NCAN: variants seen among roughly 807,000 people sequenced by gnomAD.
NCAN encodes the protein neurocan.
Under a neutral mutation model 121.8 loss-of-function variants are expected in NCAN, and 47 were observed. The ratio of observed to expected loss-of-function variants is 0.39; its 90% CI spans 0.31 to 0.49. The LOEUF is 0.49. Ranked by LOEUF, NCAN falls within the 20% of genes least tolerant of loss-of-function variation. The pLI, the probability that NCAN is intolerant of heterozygous loss-of-function variation, is 0.92. For missense variants in NCAN, 1,517 were observed against 1,773.4 expected (o/e 0.86, Z 2.60); for synonymous variants, 633 against 702.0 (o/e 0.90, Z 1.55).
Position 19,226,389 on chromosome 19 carries a change from G to A in NCAN, c.1073-97G>A, listed in dbSNP as rs527436482. On this transcript the variant is annotated intron_variant, in intron 6 of 14. Coordinates refer to ENST00000252575, the MANE Select transcript of NCAN (RefSeq NM_004386.3). ...TAGGAGAGACAGAGGTACACAGAAG[G>A]CTTATGCTGCAGCATGCTGGAAAGT... The A allele has an allele frequency of 2.4e-4, 233 of 974,554 alleles. 3 individuals carry two copies. The South Asian group carries it at 3.3e-3, about 14-fold the overall frequency. 60.4% of individuals were successfully genotyped at this position (974,554 alleles called of 1,614,324 possible). A position where few individuals can be genotyped will look rare whatever the true frequency, so the allele number is the denominator to read the frequency against.
chr19:19,213,647 G>A (rs1316105655), intron 1 of NCAN, among the ~76,000 whole-genome samples: 1 of 152,092 alleles, frequency 6.6e-6, no homozygotes, highest in Non-Finnish European at 1.5e-5. Flanking sequence ...GTCTGTGTCT[G>A]GGGTGCGTGG....
rs1256511795 is a variant in NCAN at position 19,228,268 on chromosome 19, G to A, written c.2648G>A (p.Gly883Glu). Reference protein sequence around the residue: ...LTTLEQGDKVGVPAMSTLGSS... With the variant: ...LTTLEQGDKVEVPAMSTLGSS... ...ACCCTGGAGCAGGGGGACAAGGTTG[G>A]AGTTCCAGCCATGTCTACACTGGGC... The change falls in exon 8 of 15, where the codon GGA (glycine) becomes GAA (glutamate). Residue 883 changes from glycine (G) to glutamate (E), a missense_variant. Transcript: ENST00000252575. 1 of 1,613,926 alleles carries A rather than the reference G, an allele frequency of 6.2e-7. No individual in the cohort carries two copies. Among genetic ancestry groups the A allele is most frequent in the Non-Finnish European group, 8.5e-7 (1 of 1,180,006 alleles).
intron 2 of NCAN, 82 bp downstream of exon 2, chr19:19,217,108 C>T (rs1228442356): frequency 2.0e-6 from 2 of 1,004,902 alleles, no homozygotes; most frequent in South Asian, 4.0e-5. Flanking sequence ...AGAGCCTTCT[C>T]CTGCTGGTCT....
In NCAN at chr19:19,217,163, T is replaced by C. The variant is rs564729223; in HGVS notation, c.73+137T>C. 7 of 587,436 alleles carry C rather than the reference T, an allele frequency of 1.2e-5. No homozygotes were observed. In the African/African-American group the frequency reaches 1.3e-4, roughly 11 times the overall value. The allele number at this position is 587,436 out of a possible 1,614,324, so 36.4% of individuals were successfully genotyped here. ...TAAAATGAGAATAGATTTTAAAAGG[T>C]CTTTGAACAGTCAAAAGCGAACAGG... On this transcript the variant is annotated intron_variant, in intron 2 of 14. Coordinates refer to ENST00000252575, the MANE Select transcript of NCAN (RefSeq NM_004386.3).
intron 9 of NCAN, 52 bp downstream of exon 9, chr19:19,233,957 C>A: frequency 8.2e-7 from 1 of 1,221,994 alleles, no homozygotes; most frequent in Non-Finnish European, 1.2e-6. Context: ...ACTCCAGAGC[C>A]TTGGGTTGTA....
chr19:19,240,562 G>T, intron 11 of NCAN, 41 bp from the exon 12 acceptor site: 1 of 1,604,304 alleles, frequency 6.2e-7, no homozygotes, highest in East Asian at 2.2e-5. Flanking sequence ...GCCAGGAGAG[G>T]CATGGGTGAA....
At chr19:19,241,205 G>A (rs940771472) in intron 12 of NCAN, among the ~76,000 whole-genome samples, 4 of 151,668 alleles carry the variant, frequency 2.6e-5, no homozygotes, top group South Asian at 4.2e-4. Flanking sequence ...GCAGTGAGCC[G>A]AGATCACTCC....
In NCAN at chr19:19,219,198, C is replaced by A. The variant is rs1348276925; in HGVS notation, c.357C>A (p.Arg119=). ...GRVSLPSYPR[R]RANATLLLGP... ...TGTCACTGCCTTCCTACCCCCGGCG[C>A]CGAGCCAACGCCACGCTACTTCTGG... The change falls in exon 3 of 15, where the codon CGC becomes CGA. Residue 119 remains arginine, a synonymous_variant. Transcript: ENST00000252575. 1.9e-6 allele frequency: 3 copies of A among 1,611,304 alleles called. No homozygotes were observed. The Admixed American group carries it at 5.0e-5, about 27-fold the overall frequency.
chr19:19,238,728 C>T (rs1162454108), intron 11 of NCAN: 2 of 418,676 alleles, frequency 4.8e-6, no homozygotes, highest in East Asian at 1.1e-4. Context: ...AGGGAGTGAC[C>T]ATTTCTTGGG....
At chr19:19,233,337 A>ATT (rs11403628) in intron 8 of NCAN, among the ~76,000 whole-genome samples, 26,261 of 151,240 alleles carry the variant, frequency 0.17, 3,742 homozygotes, top group African/African-American at 0.39. Context: ...CAGGATGAGG[A>ATT]TTTTTTTTCA....
intron 13 of NCAN, among the ~76,000 whole-genome samples, chr19:19,247,888 G>A (rs937515656): frequency 2.0e-5 from 3 of 152,150 alleles, no homozygotes; most frequent in African/African-American, 7.2e-5. Context: ...GCAGGGACCT[G>A]TTGACGAGCT....
chr19:19,221,956 G>A (rs1230214391), intron 3 of NCAN, among the ~76,000 whole-genome samples: 1 of 152,130 alleles, frequency 6.6e-6, no homozygotes, highest in Non-Finnish European at 1.5e-5. Flanking sequence ...CACAGTAGAT[G>A]CTCAATAAAT....
In NCAN at chr19:19,235,589, T is replaced by C. The variant is rs541670914; in HGVS notation, c.3250+493T>C. 1.1e-4 allele frequency among the ~76,000 whole-genome samples: 16 copies of C among 151,852 alleles called. 1 individual carries two copies. Among genetic ancestry groups the C allele is most frequent in the Admixed American group, 9.8e-4 (15 of 15,262 alleles). On this transcript the variant is annotated intron_variant, in intron 10 of 14. Transcript: ENST00000252575. ...GCCTGCCCTATTTTATTTTATTTTT[T>C]TTTTTTGAGACAGAGTCTCGCTCTG...
intron 8 of NCAN, among the ~76,000 whole-genome samples, chr19:19,229,542 C>A (rs28475118): frequency 0.025 from 3,754 of 152,302 alleles, 128 homozygotes; most frequent in African/African-American, 0.076. Flanking sequence ...CCCCATTCTA[C>A]AGATAGCAAA....
Position 19,233,832 on chromosome 19 carries a change from G to A in NCAN, c.3063G>A (p.Gly1021=). Residue 1021 remains glycine (G), a synonymous_variant, in exon 9 of 15, where the codon GGG becomes GGA. Transcript: ENST00000252575. ...AGAACAACCCTTGTCTTCATGGAGG[G>A]ACATGTAATGCCAATGGCACCATGT... ...PCENNPCLHG[G]TCNANGTMYG... is the part of the protein sequence containing the mutation. 1 of 1,614,064 alleles carries A rather than the reference G, an allele frequency of 6.2e-7. No homozygotes were observed. Among genetic ancestry groups the A allele is most frequent in the Non-Finnish European group, 8.5e-7 (1 of 1,179,930 alleles).
intron 3 of NCAN, among the ~76,000 whole-genome samples, chr19:19,222,213 A>G (rs2060819273): frequency 6.6e-6 from 1 of 152,052 alleles, no homozygotes; most frequent in Non-Finnish European, 1.5e-5. Context: ...AACAACAACA[A>G]ACTGATTGGT....
chr19:19,226,477 C>A lies in NCAN; in HGVS notation c.1073-9C>A. ...GGCCTAACACAACCTCTTCTGCTTTCTCCCACAGCTCATCACCCCACGTCA... is the reference window on the plus strand; with the variant it reads ...GGCCTAACACAACCTCTTCTGCTTTATCCCACAGCTCATCACCCCACGTCA... On this transcript the variant is annotated splice_polypyrimidine_tract_variant and intron_variant, in intron 6 of 14. Transcript: ENST00000252575. 1 of 1,556,698 alleles carries A rather than the reference C, an allele frequency of 6.4e-7. No homozygotes were observed.
chr19:19,223,064 G>C (rs574814998), intron 3 of NCAN, among the ~76,000 whole-genome samples: 2 of 152,120 alleles, frequency 1.3e-5, no homozygotes, highest in African/African-American at 2.4e-5. Flanking sequence ...AGCTGAGATC[G>C]CGCCACTGCA....
In NCAN at chr19:19,245,260, C is replaced by A. The variant is rs2060920296; in HGVS notation, c.3493-53C>A. 3.1e-6 allele frequency: 5 copies of A among 1,598,642 alleles called. No individual in the cohort carries two copies. The South Asian group carries it at 4.5e-5, about 15-fold the overall frequency. ...AGTCCCACAGCAGGAATTGCCAGAA[C>A]CTGGGCTGGAACAGAGGTCCCCTGA... On this transcript the variant is annotated intron_variant, in intron 12 of 14. Transcript: ENST00000252575.
Sources: gnomAD v4.1 joint callset for allele counts (sites outside exome capture counted in the v4.1 genomes callset) on GRCh38, gnomAD v4.1.1 for gene constraint, MANE v1.5 for transcripts, NCBI Gene and HGNC (gene_info 2026-07-23, HGNC 2026-07-21) for gene names.